The following ATP11C variants were observed in gnomAD, a reference collection of about 807,000 sequenced individuals.
ATP11C encodes the protein ATPase phospholipid transporting 11C (ATP11C blood group), also known as phospholipid-transporting ATPase IG.
ATP11C carries 36 observed loss-of-function variants against 97.4 expected under a neutral mutation model. The ratio of observed to expected loss-of-function variants is 0.37; its 90% CI spans 0.28 to 0.49. ATP11C has a LOEUF of 0.49. ATP11C is among the 20% of genes least tolerant of loss of function. ATP11C has a pLI of 0.98. For missense variants in ATP11C, 730 were observed against 824.6 expected (o/e 0.89, Z 1.40); for synonymous variants, 275 against 290.9 (o/e 0.95, Z 0.56).
At chrX:139,842,378 T>C (rs1028454790) in intron 1 of ATP11C, among the ~76,000 whole-genome samples, 1 of 112,220 alleles carries the variant, frequency 8.9e-6, no homozygotes, top group Non-Finnish European at 1.9e-5. Flanking sequence ...CTCTCCCCCT[T>C]TTCTTCCACT....
At chrX:139,897,768 T>G (rs1159162482) in intron 1 of ATP11C, among the ~76,000 whole-genome samples, 1 of 110,684 alleles carries the variant, frequency 9.0e-6, no homozygotes, top group Non-Finnish European at 1.9e-5. Context: ...AAGTGCATGT[T>G]AGAAGCCAGG....
chrX:139,797,363 A>T (rs2082823694), intron 10 of ATP11C, 37 bp from the exon 11 acceptor site: 2 of 1,051,188 alleles, frequency 1.9e-6, no homozygotes, highest in Non-Finnish European at 2.6e-6. Context: ...AAAACCAAAG[A>T]CATCAGTCAG....
chrX:139,782,210 C>T (rs2082475080), intron 18 of ATP11C, among the ~76,000 whole-genome samples: 1 of 108,790 alleles, frequency 9.2e-6, no homozygotes, highest in Admixed American at 9.8e-5. Context: ...ACCTGTAGTC[C>T]CAGCTACCCT....
At position 139,726,601 on chromosome X, in the gene ATP11C, T is replaced by C. The variant is rs907705378; in HGVS notation, c.*2365A>G. 1.4e-4 allele frequency: 16 copies of C among 112,623 alleles called. No individual in the cohort carries two copies. The highest frequency in any genetic ancestry group is 4.7e-4 in the Admixed American group (5 of 10,620). 9.3% of individuals were successfully genotyped at this position (112,623 alleles called of 1,213,427 possible). A position where few individuals can be genotyped will look rare whatever the true frequency, so the allele number is the denominator to read the frequency against. ...TTAAAAAATTCCATCACTAAATTAT[T>C]ACGAATTTTGCAAAGTTAGGCTTAC... On this transcript the variant is annotated 3_prime_UTR_variant, in exon 30 of 30. Coordinates refer to ENST00000682941, the MANE Select transcript of ATP11C (RefSeq NM_001353812.2).
At chrX:139,867,370 C>A (rs752269244) in intron 1 of ATP11C, among the ~76,000 whole-genome samples, 2 of 110,537 alleles carry the variant, frequency 1.8e-5, no homozygotes, top group African/African-American at 6.6e-5. Flanking sequence ...GGGGAGGTTG[C>A]AATTTTAGAT....
At chrX:139,917,506 C>A (rs2085172206) in intron 1 of ATP11C, among the ~76,000 whole-genome samples, 1 of 111,289 alleles carries the variant, frequency 9.0e-6, no homozygotes, top group African/African-American at 3.3e-5. Flanking sequence ...AAGGAAATAA[C>A]CCCCCCGCAA....
intron 24 of ATP11C, among the ~76,000 whole-genome samples, chrX:139,746,331 T>C (rs2081685773): frequency 8.9e-6 from 1 of 111,801 alleles, no homozygotes; most frequent in Non-Finnish European, 1.9e-5. Context: ...CTGGCTGCCA[T>C]CTTTATTCTG....
At chrX:139,776,797 T>C (rs1048133227) in intron 18 of ATP11C, among the ~76,000 whole-genome samples, 3 of 111,952 alleles carry the variant, frequency 2.7e-5, no homozygotes, top group Non-Finnish European at 3.8e-5. Context: ...CTAAGCTTTC[T>C]GACACCTCCA....
chrX:139,803,253 C>G (rs984929099), intron 6 of ATP11C, among the ~76,000 whole-genome samples: 2 of 112,390 alleles, frequency 1.8e-5, no homozygotes, highest in Non-Finnish European at 3.8e-5. Context: ...TGATTTATAT[C>G]TTGACATTCC....
At chrX:139,908,900 A>G (rs1462974370) in intron 1 of ATP11C, among the ~76,000 whole-genome samples, 1 of 112,252 alleles carries the variant, frequency 8.9e-6, no homozygotes, top group East Asian at 2.8e-4. Flanking sequence ...AATTTAAAAT[A>G]AATGATTATT....
Position 139,892,139 on chromosome X carries a change from G to A in ATP11C, c.27+39877C>T, listed in dbSNP as rs997013561. 4.5e-5 allele frequency among the ~76,000 whole-genome samples: 5 copies of A among 111,398 alleles called. No homozygotes were observed. In the East Asian group the frequency reaches 8.4e-4, roughly 19 times the overall value. ...CCCAAAGTGCTGGGATTACGGGCGC[G>A]AGCTACTGCACCCGGCCTAGTAATA... On this transcript the variant is annotated intron_variant, in intron 1 of 29. Coordinates refer to ENST00000682941, the MANE Select transcript of ATP11C (RefSeq NM_001353812.2).
chrX:139,796,352 C>T lies in ATP11C; in HGVS notation c.1127G>A (p.Trp376Ter). ...QKFLGSFFISWDKDFYDEEIN... is the reference protein window; with the variant it reads ...QKFLGSFFIS ...TTCTTCATCATAAAAGTCCTTATCC[C>T]ATGAGATGAAGAAGGAGCCCAAGAA... Residue 376 changes from tryptophan (W) to a stop codon, truncating the protein, a stop_gained, in exon 12 of 30, where the codon TGG (tryptophan) becomes TAG (stop). Coordinates refer to ENST00000682941, the MANE Select transcript of ATP11C (RefSeq NM_001353812.2). LOFTEE classifies it high-confidence loss of function. 1 of 1,206,573 alleles carries T rather than the reference C, an allele frequency of 8.3e-7. No homozygotes were observed. The highest frequency in any genetic ancestry group is 1.1e-6 in the Non-Finnish European group (1 of 891,546).
intron 12 of ATP11C, among the ~76,000 whole-genome samples, chrX:139,795,329 A>G (rs1401956914): frequency 1.8e-5 from 2 of 111,703 alleles, no homozygotes; most frequent in African/African-American, 3.3e-5. Flanking sequence ...GGCAAAGACT[A>G]TATCAAGAGT....
At chrX:139,924,668 T>C (rs1330576243) in intron 1 of ATP11C, among the ~76,000 whole-genome samples, 13 of 111,429 alleles carry the variant, frequency 1.2e-4, no homozygotes, top group South Asian at 3.8e-4. Flanking sequence ...TTTTGCTGTG[T>C]ACCAGGTGGA....
At chrX:139,740,283 A>G (rs1403812725) in intron 27 of ATP11C, among the ~76,000 whole-genome samples, 1 of 111,806 alleles carries the variant, frequency 8.9e-6, no homozygotes, top group Non-Finnish European at 1.9e-5. Flanking sequence ...ATGCAAATAT[A>G]TAACTCTCCC....
At chrX:139,744,223 GAGATGTAAA>G (rs1028370443) in intron 25 of ATP11C, among the ~76,000 whole-genome samples, 5 of 110,898 alleles carry the variant, frequency 4.5e-5, no homozygotes, top group African/African-American at 1.6e-4. Context: ...AACAGAAAAT[GAGATGTAAA>G]AGGTTTTTTC....
chrX:139,848,175 C>T (rs1488206667), intron 1 of ATP11C, among the ~76,000 whole-genome samples: 2 of 111,743 alleles, frequency 1.8e-5, no homozygotes, highest in Admixed American at 9.5e-5. Flanking sequence ...TCTCTGGTCA[C>T]TTATTGCCCA....
chrX:139,931,226 C>T (rs984690169), intron 1 of ATP11C, among the ~76,000 whole-genome samples: 2 of 112,278 alleles, frequency 1.8e-5, no homozygotes, highest in Non-Finnish European at 3.8e-5. Flanking sequence ...ATGGCTAACT[C>T]CCATGAAAAT....
At chrX:139,866,408 A>G (rs1331331431) in intron 1 of ATP11C, among the ~76,000 whole-genome samples, 1 of 106,393 alleles carries the variant, frequency 9.4e-6, no homozygotes, top group Non-Finnish European at 1.9e-5. Context: ...TGACCTGCCC[A>G]TGATCACACA....
Sources: gnomAD v4.1 joint callset for allele counts (sites outside exome capture counted in the v4.1 genomes callset) on GRCh38, gnomAD v4.1.1 for gene constraint, MANE v1.5 for transcripts, NCBI Gene and HGNC (gene_info 2026-07-23, HGNC 2026-07-21) for gene names.